Variants in ADCY2 observed in about 807,000 individuals in gnomAD.
ADCY2 encodes adenylate cyclase type 2.
A neutral mutation model predicts 125.2 loss-of-function variants in ADCY2; 31 were observed. The ratio of observed to expected loss-of-function variants is 0.25; its 90% confidence interval spans 0.19 to 0.33. The LOEUF (loss-of-function observed/expected upper bound fraction) is 0.33. Ranked by LOEUF, ADCY2 falls within the 10% of genes least tolerant of loss-of-function variation. ADCY2 has a pLI of 1.00. For missense variants in ADCY2, 904 were observed against 1,418.2 expected, an observed-to-expected ratio of 0.64 and a Z score of 5.82; for synonymous variants, 512 against 548.4, an observed-to-expected ratio of 0.93 and a Z score of 0.93.
chr5:7,457,018 G>T (rs572661219), intron 2 of ADCY2, among the ~76,000 whole-genome samples: 103 of 152,218 alleles, frequency 6.8e-4, no homozygotes, highest in South Asian at 5.0e-3. Flanking sequence ...AAATTCTCAG[G>T]CTCCACCCCA....
intron 4 of ADCY2, among the ~76,000 whole-genome samples, chr5:7,688,962 A>G (rs1199425256): frequency 6.6e-6 from 1 of 152,214 alleles, no homozygotes; most frequent in Non-Finnish European, 1.5e-5. Flanking sequence ...TGGCAAGTTT[A>G]TGCGTTTTGG....
chr5:7,581,819 C>CAAAAAAAAAAA (rs59841590), intron 3 of ADCY2, among the ~76,000 whole-genome samples: 2 of 123,790 alleles, frequency 1.6e-5, no homozygotes, highest in African/African-American at 6.2e-5. Flanking sequence ...GACTCAGTCT[C>CAAAAAAAAAAA]AAAAAAAAAA....
intron 3 of ADCY2, among the ~76,000 whole-genome samples, chr5:7,573,819 A>G (rs1345831999): frequency 2.7e-5 from 4 of 147,558 alleles, no homozygotes; most frequent in African/African-American, 9.9e-5. Context: ...TGCAGGTTAG[A>G]TACATATGTA....
chr5:7,749,217 A>G (rs1742728154), intron 15 of ADCY2, among the ~76,000 whole-genome samples: 1 of 152,216 alleles, frequency 6.6e-6, no homozygotes, highest in Admixed American at 6.5e-5. Flanking sequence ...TGTTGGTCCC[A>G]TTTATTTAAA....
At chr5:7,731,354 C>A (rs1263038420) in intron 14 of ADCY2, among the ~76,000 whole-genome samples, 1 of 150,494 alleles carries the variant, frequency 6.6e-6, no homozygotes, top group Non-Finnish European at 1.5e-5. Flanking sequence ...CTCCTGGGTT[C>A]AAGCAGTTCT....
intron 1 of ADCY2, among the ~76,000 whole-genome samples, chr5:7,412,629 G>C (rs1033891091): frequency 6.6e-6 from 1 of 152,224 alleles, no homozygotes; most frequent in Non-Finnish European, 1.5e-5. Flanking sequence ...TGGAGGGAGA[G>C]AAAAAGAACA....
chr5:7,474,666 A>G (rs1223398416), intron 2 of ADCY2, among the ~76,000 whole-genome samples: 1 of 152,246 alleles, frequency 6.6e-6, no homozygotes, highest in Non-Finnish European at 1.5e-5. Flanking sequence ...GGAGAAGTGC[A>G]AGACAGGGGC....
chr5:7,660,713 G>A (rs574667173), intron 4 of ADCY2, among the ~76,000 whole-genome samples: 1 of 152,246 alleles, frequency 6.6e-6, no homozygotes, highest in East Asian at 1.9e-4. Context: ...TTGATTGGAT[G>A]AGTCCCAACC....
intron 12 of ADCY2, among the ~76,000 whole-genome samples, chr5:7,723,993 G>GA (rs1210476236): frequency 2.2e-5 from 3 of 139,480 alleles, no homozygotes; most frequent in Non-Finnish European, 4.6e-5. Flanking sequence ...TTCTAGAAAT[G>GA]AAAAAAATGA....
At chr5:7,577,150 G>T (rs1268189783) in intron 3 of ADCY2, among the ~76,000 whole-genome samples, 1 of 152,134 alleles carries the variant, frequency 6.6e-6, no homozygotes, top group East Asian at 1.9e-4. Flanking sequence ...ACATTAGTCA[G>T]TCTCTGCTAC....
chr5:7,437,216 G>A lies in ADCY2; in HGVS notation c.408+22446G>A, dbSNP rs1740837914. ...TAAGGGATTGGCTTATGGGTGCTCA[G>A]CCTCCCCTGTGATCTTTTTCAGCCC... On this transcript the variant is annotated intron_variant, in intron 2 of 24. Coordinates refer to ENST00000338316, the MANE Select transcript of ADCY2 (RefSeq NM_020546.3). Among the ~76,000 whole-genome samples the A allele has an allele frequency of 2.0e-5, 3 of 152,296 alleles. No individual in the cohort carries two copies. In the South Asian group the frequency reaches 6.2e-4, roughly 32 times the overall value.
intron 17 of ADCY2, among the ~76,000 whole-genome samples, chr5:7,767,557 T>G (rs1159417989): frequency 6.6e-6 from 1 of 152,236 alleles, no homozygotes; most frequent in Non-Finnish European, 1.5e-5. Flanking sequence ...AATTGGTAAT[T>G]TAATATGTAC....
At chr5:7,694,471 C>T (rs1561171242) in intron 5 of ADCY2, among the ~76,000 whole-genome samples, 1 of 152,178 alleles carries the variant, frequency 6.6e-6, no homozygotes, top group Admixed American at 6.5e-5. Flanking sequence ...CAGGAAACCG[C>T]CATTCTAGTT....
At chr5:7,613,179 C>T (rs947205721) in intron 3 of ADCY2, among the ~76,000 whole-genome samples, 3 of 151,698 alleles carry the variant, frequency 2.0e-5, no homozygotes, top group Non-Finnish European at 2.9e-5. Flanking sequence ...AAAGATTGCA[C>T]ACAAGAGCTG....
Position 7,588,149 on chromosome 5 carries a change from T to C in ADCY2, c.571-38018T>C, listed in dbSNP as rs1679884074. On this transcript the variant is annotated intron_variant, in intron 3 of 24. Coordinates refer to ENST00000338316, the MANE Select transcript of ADCY2 (RefSeq NM_020546.3). The stretch of plus-strand genomic sequence containing the variant: ...TGATAAGCGTTCCTTATTTCAGTAA[T>C]ATGGTTATAAAAATATCATAAAAGA... Among the ~76,000 whole-genome samples the C allele has an allele frequency of 3.3e-5, 5 of 151,836 alleles. No homozygotes were observed. The South Asian group carries it at 1.0e-3, about 31-fold the overall frequency.
At chr5:7,430,529 T>TATATACTATATATATATAGTATATCG (rs1740551817) in intron 2 of ADCY2, among the ~76,000 whole-genome samples, 1 of 145,492 alleles carries the variant, frequency 6.9e-6, no homozygotes, top group African/African-American at 2.6e-5. Context: ...TATGTATATA[T>TATATACTATATATATATAGTATATCG]ATATACTATA....
At chr5:7,734,370 C>T (rs1476291153) in intron 14 of ADCY2, among the ~76,000 whole-genome samples, 2 of 152,106 alleles carry the variant, frequency 1.3e-5, no homozygotes, top group Non-Finnish European at 2.9e-5. Context: ...GTCAGGGCCA[C>T]CTTTAAGCAA....
intron 3 of ADCY2, among the ~76,000 whole-genome samples, chr5:7,612,143 T>C (rs1737589814): frequency 6.6e-6 from 1 of 152,160 alleles, no homozygotes; most frequent in Admixed American, 6.5e-5. Context: ...TTTCTCACAG[T>C]TGGATACCAG....
chr5:7,681,869 C>T (rs1478658630), intron 4 of ADCY2, among the ~76,000 whole-genome samples: 2 of 152,226 alleles, frequency 1.3e-5, no homozygotes, highest in Admixed American at 6.5e-5. Flanking sequence ...CGATTGCTCT[C>T]CTGTCCCCAG....
Sources: allele counts gnomAD v4.1 joint callset (sites outside exome capture counted in the v4.1 genomes callset), GRCh38; gene constraint gnomAD v4.1.1; transcripts MANE v1.5; gene names NCBI Gene and HGNC (gene_info 2026-07-23, HGNC 2026-07-21).